ZNF195: variants seen among roughly 807,000 people sequenced by gnomAD.
ZNF195 encodes the protein hypoxia-regulated factor-1.
A neutral mutation model predicts 19.5 loss-of-function variants in ZNF195; 11 were observed. That is an observed-to-expected ratio of 0.57 (90% CI 0.36 to 0.94). The LOEUF (loss-of-function observed/expected upper bound fraction) is 0.94. ZNF195 is among the 40% of genes least tolerant of loss of function. The pLI is 0.01. For missense variants in ZNF195, 582 were observed against 709.0 expected, an observed-to-expected ratio of 0.82 and a Z score of 2.03; for synonymous variants, 214 against 248.1, an observed-to-expected ratio of 0.86 and a Z score of 1.29.
intron 3 of ZNF195, chr11:3,368,828 G>A (rs1231531931): frequency 4.4e-6 from 2 of 455,552 alleles, no homozygotes; most frequent in African/African-American, 4.0e-5. Flanking sequence ...ATACAATACA[G>A]ACAGTATAGT....
chr11:3,366,830 C>T (rs765785132), intron 3 of ZNF195: 5 of 408,918 alleles, frequency 1.2e-5, no homozygotes, highest in South Asian at 3.6e-5. Context: ...TTCGGGAGAC[C>T]GAGGCGGGTG....
At chr11:3,376,136 A>G (rs985309331) in intron 1 of ZNF195, among the ~76,000 whole-genome samples, 3 of 152,154 alleles carry the variant, frequency 2.0e-5, no homozygotes, top group Non-Finnish European at 2.9e-5. Flanking sequence ...CTCTAACTGC[A>G]TCTGCCTGTG....
chr11:3,374,639 T>C (rs1849369454), intron 1 of ZNF195, among the ~76,000 whole-genome samples: 1 of 152,224 alleles, frequency 6.6e-6, no homozygotes, highest in African/African-American at 2.4e-5. Context: ...ACACCCTGGG[T>C]GATGGAACCA....
intron 1 of ZNF195, among the ~76,000 whole-genome samples, chr11:3,377,036 C>A (rs1387379951): frequency 6.6e-6 from 1 of 152,142 alleles, no homozygotes; most frequent in Non-Finnish European, 1.5e-5. Flanking sequence ...AAGAACAGAC[C>A]TAAGTAACTT....
chr11:3,379,032 A>C lies in ZNF195; in HGVS notation c.3+6T>G. 1 of 1,491,584 alleles carries C rather than the reference A, an allele frequency of 6.7e-7. No individual in the cohort carries two copies. Among genetic ancestry groups the C allele is most frequent in the Non-Finnish European group, 9.0e-7 (1 of 1,110,452 alleles). 92.4% of individuals were successfully genotyped at this position (1,491,584 alleles called of 1,614,324 possible). A position where few individuals can be genotyped will look rare whatever the true frequency, so the allele number is the denominator to read the frequency against. ...GTCTCTCAGGAGGCCTGGCCCCTAC[A>C]CTCACCATCTCCTGGCCTCCAGAGA... On this transcript the variant is annotated splice_donor_region_variant and intron_variant, in intron 1 of 5. Coordinates refer to ENST00000399602, the MANE Select transcript of ZNF195 (RefSeq NM_001130520.3).
At position 3,360,735 on chromosome 11, in the gene ZNF195, A is replaced by T; in HGVS notation, c.427T>A (p.Cys143Ser). ...GTAACAATACCTAGTGAGAAGATGCATCTGAACTCTAAAAACCATTTCACA... is the reference window on the plus strand; with the variant it reads ...GTAACAATACCTAGTGAGAAGATGCTTCTGAACTCTAAAAACCATTTCACA... The part of the protein sequence containing the change: ...QTVKWFLEFR[C>S]IFSLAMSSHF... Residue 143 changes from cysteine to serine, a missense_variant, in exon 5 of 6, where the codon TGC becomes AGC. Around this residue, in one of 3 missense-constraint regions of ZNF195, gnomAD observed 129 missense variants for 112.1 expected, o/e 1.15. Coordinates refer to ENST00000399602, the MANE Select transcript of ZNF195 (RefSeq NM_001130520.3). The T allele has an allele frequency of 6.4e-7, 1 of 1,551,700 alleles. No individual in the cohort carries two copies. Among genetic ancestry groups the T allele is most frequent in the Non-Finnish European group, 8.7e-7 (1 of 1,146,994 alleles).
chr11:3,372,980 C>T (rs2133726778), intron 1 of ZNF195, among the ~76,000 whole-genome samples: 1 of 152,358 alleles, frequency 6.6e-6, no homozygotes, highest in Admixed American at 6.5e-5. Flanking sequence ...GCGATCTGCC[C>T]ACCTAGGCCT....
intron 1 of ZNF195, among the ~76,000 whole-genome samples, chr11:3,375,058 A>G (rs952598191): frequency 1.3e-5 from 2 of 152,324 alleles, no homozygotes; most frequent in South Asian, 2.1e-4. Context: ...TTAAACTCCA[A>G]ACTGATTTAA....
At chr11:3,368,748 C>G (rs1262978764) in intron 3 of ZNF195, 1 of 439,770 alleles carries the variant, frequency 2.3e-6, no homozygotes, top group Non-Finnish European at 4.6e-6. Context: ...ACCAATGGGA[C>G]AGAACAGAGA....
At chr11:3,366,186 C>T (rs1192869607) in intron 3 of ZNF195, among the ~76,000 whole-genome samples, 4 of 150,328 alleles carry the variant, frequency 2.7e-5, no homozygotes, top group African/African-American at 9.8e-5. Flanking sequence ...ATGGCGTGAA[C>T]CCAGGAGGCA....
chr11:3,374,834 T>C (rs1747652951), intron 1 of ZNF195, among the ~76,000 whole-genome samples: 1 of 152,264 alleles, frequency 6.6e-6, no homozygotes, highest in South Asian at 2.1e-4. Flanking sequence ...CTTCACTTTC[T>C]TGTGGCTTGT....
chr11:3,366,063 C>A (rs1024433037), intron 3 of ZNF195, among the ~76,000 whole-genome samples: 1 of 151,704 alleles, frequency 6.6e-6, no homozygotes, highest in Non-Finnish European at 1.5e-5. Flanking sequence ...CGAGACCATC[C>A]TGGCCAACAC....
chr11:3,378,878 C>A (rs1849606443), intron 1 of ZNF195, among the ~76,000 whole-genome samples, 160 bp downstream of exon 1: 1 of 152,294 alleles, frequency 6.6e-6, no homozygotes, highest in Non-Finnish European at 1.5e-5. Context: ...TGCAGGGATG[C>A]GCCGGGGCGC....
chr11:3,372,806 A>G (rs1012957000), intron 1 of ZNF195, among the ~76,000 whole-genome samples: 1 of 152,358 alleles, frequency 6.6e-6, no homozygotes, highest in South Asian at 2.1e-4. Context: ...ATCTCGGCTC[A>G]CTGCTACCTC....
intron 1 of ZNF195, chr11:3,375,524 AT>A (rs1174775594): frequency 1.2e-4 from 18 of 152,348 alleles, no homozygotes; most frequent in African/African-American, 4.1e-4. Flanking sequence ...AATGGCCCAA[AT>A]GAAGCAGAAG....
chr11:3,369,031 T>TAC (rs1849047098), intron 3 of ZNF195, among the ~76,000 whole-genome samples: 1 of 152,178 alleles, frequency 6.6e-6, no homozygotes, highest in South Asian at 2.1e-4. Flanking sequence ...ACACCAAAAG[T>TAC]ACAGCAACAA....
chr11:3,369,316 T>TC (rs1554929955), intron 3 of ZNF195: 5 of 236,292 alleles, frequency 2.1e-5, no homozygotes, highest in South Asian at 4.4e-5. Flanking sequence ...AAAACCAGGG[T>TC]GGGGGGGCGT....
At chr11:3,375,921 A>G (rs1849439910) in intron 1 of ZNF195, among the ~76,000 whole-genome samples, 1 of 152,204 alleles carries the variant, frequency 6.6e-6, no homozygotes, top group South Asian at 2.1e-4. Flanking sequence ...CTGGTGAGAG[A>G]GTTCCTGGTG....
In ZNF195 at chr11:3,369,610, T is replaced by G. The variant is rs549156783; in HGVS notation, c.226+1365A>C. The G allele has an allele frequency of 1.1e-3, 371 of 345,816 alleles. 1 individual carries two copies. Among genetic ancestry groups the G allele is most frequent in the Non-Finnish European group, 3.2e-4 (52 of 163,842 alleles). The allele number at this position is 345,816 out of a possible 1,614,324, so 21.4% of individuals were successfully genotyped here. On this transcript the variant is annotated intron_variant, in intron 3 of 5. Transcript: ENST00000399602. Reference sequence around the variant, plus strand: ...ACCACGTGGATGACCCTGAAGGACATCCTGCTAAATAAACTCAGCCAGGCC... The same window carrying G: ...ACCACGTGGATGACCCTGAAGGACAGCCTGCTAAATAAACTCAGCCAGGCC...
Sources: allele counts gnomAD v4.1 joint callset (sites outside exome capture counted in the v4.1 genomes callset), GRCh38; gene constraint gnomAD v4.1.1; regional missense constraint gnomAD v4.1.1; transcripts MANE v1.5; gene names NCBI Gene and HGNC (gene_info 2026-07-23, HGNC 2026-07-21).